APCDD1: variants seen among roughly 807,000 people sequenced by gnomAD.
The protein encoded by APCDD1 is protein APCDD1.
In APCDD1, 15 loss-of-function variants were observed where a neutral mutation model predicts 38.1. The observed-to-expected ratio is 0.39, with a 90% confidence interval of 0.26 to 0.61. The LOEUF is 0.61. Ranked by LOEUF, APCDD1 falls within the 20% of genes least tolerant of loss-of-function variation. APCDD1 has a pLI of 0.49. For missense variants in APCDD1, 647 were observed against 696.2 expected (o/e 0.93, Z 0.79); for synonymous variants, 261 against 279.7 (o/e 0.93, Z 0.67).
rs2143531924 is a variant in APCDD1 at position 10,470,090 on chromosome 18, G to A, written c.242+1438G>A. On this transcript the variant is annotated intron_variant, in intron 2 of 4. Transcript: ENST00000355285. The surrounding 1 kb of genome is among the most constrained non-coding windows in gnomAD (Gnocchi z 4.1). Reference sequence around the variant, plus strand: ...AGAAAAAGTGATTTGGGGGTGACCAGTTAAAAGACCTTTGCAGCCGTTCTG... The same window carrying A: ...AGAAAAAGTGATTTGGGGGTGACCAATTAAAAGACCTTTGCAGCCGTTCTG... Among the ~76,000 whole-genome samples, 1 of 152,342 alleles carries A rather than the reference G, an allele frequency of 6.6e-6. No individual in the cohort carries two copies. The highest frequency in any genetic ancestry group is 2.1e-4 in the South Asian group (1 of 4,820).
Position 10,467,590 on chromosome 18 carries a change from G to C in APCDD1, c.59-879G>C, listed in dbSNP as rs1237298389. Among the ~76,000 whole-genome samples the C allele has an allele frequency of 6.6e-6, 1 of 152,168 alleles. No homozygotes were observed. The highest frequency in any genetic ancestry group is 1.5e-5 in the Non-Finnish European group (1 of 68,040). On this transcript the variant is annotated intron_variant, in intron 1 of 4. Coordinates refer to ENST00000355285, the MANE Select transcript of APCDD1 (RefSeq NM_153000.5). This position sits in a 1 kb window ranked among gnomAD's most constrained non-coding sequence, Gnocchi z 4.8. ...AGATTGTGGCCAACCTGCATGACTC[G>C]TTCTGAAGATAAGTTTACTGCTAGT...
rs2031194425 is a variant in APCDD1 at position 10,484,013 on chromosome 18, G to A, written c.775-1449G>A. On this transcript the variant is annotated intron_variant, in intron 3 of 4. Coordinates refer to ENST00000355285, the MANE Select transcript of APCDD1 (RefSeq NM_153000.5). ...CAAGCACCCTGTGCCCTGACTTCCAGCATCTCTGACGTGTGCACCTCTCAC... is the reference window on the plus strand; with the variant it reads ...CAAGCACCCTGTGCCCTGACTTCCAACATCTCTGACGTGTGCACCTCTCAC... Among the ~76,000 whole-genome samples the A allele has an allele frequency of 3.3e-5, 5 of 152,330 alleles. No homozygotes were observed. In the South Asian group the frequency reaches 1.0e-3, roughly 32 times the overall value.
chr18:10,458,310 A>G (rs907521609), intron 1 of APCDD1, among the ~76,000 whole-genome samples: 1 of 152,252 alleles, frequency 6.6e-6, no homozygotes, highest in Non-Finnish European at 1.5e-5. Context: ...CTTTCATTAA[A>G]GCTTATTCTG....
rs780268952 is a variant in APCDD1 at position 10,471,734 on chromosome 18, C to T, written c.447C>T (p.Asn149=). 32 of 1,614,122 alleles carry T rather than the reference C, an allele frequency of 2.0e-5. No homozygotes were observed. Among genetic ancestry groups the T allele is most frequent in the Admixed American group, 1.3e-4 (8 of 60,028 alleles). The change falls in exon 3 of 5, where the codon AAC becomes AAT. Residue 149 remains asparagine (N), a synonymous_variant. Transcript: ENST00000355285. The surrounding 1 kb of genome is among the most constrained non-coding windows in gnomAD (Gnocchi z 5.5). Reference sequence around the variant, plus strand: ...CGGAAGCCGACTACCAGCTGCACAACGTCCAGGTGATCTGCCACACAGAGG... The same window carrying T: ...CGGAAGCCGACTACCAGCTGCACAATGTCCAGGTGATCTGCCACACAGAGG... ...GGTEADYQLH[N]VQVICHTEAV...
intron 1 of APCDD1, among the ~76,000 whole-genome samples, chr18:10,461,602 G>A (rs1240259166): frequency 6.6e-6 from 1 of 152,094 alleles, no homozygotes; most frequent in East Asian, 1.9e-4. Flanking sequence ...GTGAATTGTC[G>A]AGTGTAATGC....
rs1268243092 is a variant in APCDD1 at position 10,454,787 on chromosome 18, G to T, written c.-195G>T. The T allele has an allele frequency of 1.5e-5, 15 of 980,490 alleles. No homozygotes were observed. Among genetic ancestry groups the T allele is most frequent in the Non-Finnish European group, 1.7e-5 (14 of 828,346 alleles). The allele number at this position is 980,490 out of a possible 1,614,324, so 60.7% of individuals were successfully genotyped here. A position where few individuals can be genotyped will look rare whatever the true frequency, so the allele number is the denominator to read the frequency against. ...GGACCGGGCCGGGGCGCCCACAGCC[G>T]CCCGACGGCGCCCAGAGAGCGCGCG... On this transcript the variant is annotated 5_prime_UTR_variant, in exon 1 of 5. Transcript: ENST00000355285.
chr18:10,482,872 G>A (rs545297415), intron 3 of APCDD1, among the ~76,000 whole-genome samples: 4 of 152,324 alleles, frequency 2.6e-5, no homozygotes, highest in East Asian at 3.9e-4. Flanking sequence ...CCAAGGAAAC[G>A]TAAAGGCAAA....
rs1212976463 is a variant in APCDD1 at position 10,471,729 on chromosome 18, C to T, written c.442C>T (p.His148Tyr). 19 of 1,614,004 alleles carry T rather than the reference C, an allele frequency of 1.2e-5. No homozygotes were observed. Among genetic ancestry groups the T allele is most frequent in the Non-Finnish European group, 1.5e-5 (18 of 1,180,044 alleles). ...GGGCACGGAAGCCGACTACCAGCTG[C>T]ACAACGTCCAGGTGATCTGCCACAC... ...RGGTEADYQLHNVQVICHTEA... is the reference protein window; with the variant it reads ...RGGTEADYQLYNVQVICHTEA... Residue 148 changes from histidine (H) to tyrosine (Y), a missense_variant, in exon 3 of 5, where the codon CAC (histidine) becomes TAC (tyrosine). Transcript: ENST00000355285. This position sits in a 1 kb window ranked among gnomAD's most constrained non-coding sequence, Gnocchi z 5.5.
chr18:10,478,634 T>C (rs651346), intron 3 of APCDD1, among the ~76,000 whole-genome samples: 82,844 of 152,022 alleles, frequency 0.54, 24,046 homozygotes, highest in African/African-American at 0.75. Context: ...TTAAGGGCTG[T>C]ACCCTCATGA....
chr18:10,465,775 G>C (rs1353639426), intron 1 of APCDD1, among the ~76,000 whole-genome samples: 1 of 152,180 alleles, frequency 6.6e-6, no homozygotes, highest in African/African-American at 2.4e-5. Context: ...TCTCGTGACT[G>C]TTGTTAAGGC....
At chr18:10,456,780 G>T (rs2030392599) in intron 1 of APCDD1, among the ~76,000 whole-genome samples, 1 of 152,194 alleles carries the variant, frequency 6.6e-6, no homozygotes, top group Non-Finnish European at 1.5e-5. Context: ...AATCTCCTGA[G>T]TTTGAGAATT....
chr18:10,483,359 TA>T (rs2031181874), intron 3 of APCDD1, among the ~76,000 whole-genome samples: 5 of 152,206 alleles, frequency 3.3e-5, no homozygotes, highest in Admixed American at 3.3e-4. Flanking sequence ...AAAATGCACG[TA>T]GAGCTTGGGG....
chr18:10,483,751 G>A (rs972279693), intron 3 of APCDD1, among the ~76,000 whole-genome samples: 2 of 152,238 alleles, frequency 1.3e-5, no homozygotes, highest in Non-Finnish European at 2.9e-5. Flanking sequence ...ATGGGAGCAC[G>A]GGGCTGGGGT....
intron 3 of APCDD1, among the ~76,000 whole-genome samples, chr18:10,484,554 A>G (rs1420557591): frequency 6.6e-6 from 1 of 151,680 alleles, no homozygotes; most frequent in African/African-American, 2.4e-5. Flanking sequence ...CCCAGACTGA[A>G]CCTCTAGTCC....
In APCDD1 at chr18:10,476,045, CT is replaced by C. The variant is rs2030992925; in HGVS notation, c.774+3985del. The C allele has an allele frequency of 6.6e-6, 1 of 152,228 alleles. No individual in the cohort carries two copies. The highest frequency in any genetic ancestry group is 1.5e-5 in the Non-Finnish European group (1 of 68,064). The allele number at this position is 152,228 out of a possible 1,614,324, so 9.4% of individuals were successfully genotyped here. A position where few individuals can be genotyped will look rare whatever the true frequency, so the allele number is the denominator to read the frequency against. ...GCCCAGCCACAGCAGGTTGTCCGAG[CT>C]GTCTGTGGCCGCCAGCGGAGACAGG... On this transcript the variant is annotated intron_variant, in intron 3 of 4. Coordinates refer to ENST00000355285, the MANE Select transcript of APCDD1 (RefSeq NM_153000.5). This position sits in a 1 kb window ranked among gnomAD's most constrained non-coding sequence, Gnocchi z 5.8.
Position 10,470,798 on chromosome 18 carries a change from T to G in APCDD1, c.243-732T>G, listed in dbSNP as rs114148703. On this transcript the variant is annotated intron_variant, in intron 2 of 4. Transcript: ENST00000355285. This position sits in a 1 kb window ranked among gnomAD's most constrained non-coding sequence, Gnocchi z 4.1. Reference sequence around the variant, plus strand: ...CCTCAATTCCATCCCGCTGCTGTTATGCTCTGTAGATTCTGTCTCAGTGCT... The same window carrying G: ...CCTCAATTCCATCCCGCTGCTGTTAGGCTCTGTAGATTCTGTCTCAGTGCT... Among the ~76,000 whole-genome samples the G allele has an allele frequency of 4.3e-3, 654 of 152,378 alleles. 6 individuals are homozygous for G. Among genetic ancestry groups the G allele is most frequent in the African/African-American group, 0.015 (623 of 41,590 alleles).
intron 1 of APCDD1, among the ~76,000 whole-genome samples, chr18:10,460,165 A>G (rs1281114998): frequency 6.6e-6 from 1 of 152,258 alleles, no homozygotes; most frequent in Admixed American, 6.5e-5. Context: ...CTCAGTCAAT[A>G]TAGATCGGCA....
intron 1 of APCDD1, among the ~76,000 whole-genome samples, chr18:10,459,859 C>CGT (rs2030485429): frequency 6.6e-6 from 1 of 151,738 alleles, no homozygotes; most frequent in African/African-American, 2.4e-5. Flanking sequence ...ACAATTCTAA[C>CGT]GAGAACACTT....
intron 1 of APCDD1, among the ~76,000 whole-genome samples, chr18:10,458,675 A>G (rs944600275): frequency 6.6e-6 from 1 of 152,224 alleles, no homozygotes; most frequent in Non-Finnish European, 1.5e-5. Flanking sequence ...GGTGGGTGAT[A>G]TGTCTGTGTA....
Sources: gnomAD v4.1 joint callset for allele counts (sites outside exome capture counted in the v4.1 genomes callset) on GRCh38, gnomAD v4.1.1 for gene constraint, Gnocchi (gnomAD v3.1) non-coding constraint, MANE v1.5 for transcripts, NCBI Gene and HGNC (gene_info 2026-07-23, HGNC 2026-07-21) for gene names.